The following NRXN1 variants were observed in gnomAD, a reference collection of about 807,000 sequenced individuals.
NRXN1 encodes neurexin-1.
In NRXN1, 39 loss-of-function variants were observed where a neutral mutation model predicts 150.9. That is an observed-to-expected ratio of 0.26 (90% CI 0.20 to 0.34). The LOEUF (loss-of-function observed/expected upper bound fraction) is 0.34. Ranked by LOEUF, NRXN1 falls within the 10% of genes least tolerant of loss-of-function variation. The pLI is 1.00. For missense variants in NRXN1, 1,815 were observed against 1,949.9 expected (o/e 0.93, Z 1.30); for synonymous variants, 924 against 757.0 (o/e 1.22, Z -3.62).
intron 8 of NRXN1, among the ~76,000 whole-genome samples, chr2:50,582,341 G>A (rs1672393538): frequency 6.6e-6 from 1 of 151,630 alleles, no homozygotes; most frequent in Non-Finnish European, 1.5e-5. Flanking sequence ...TGGGCAGCAT[G>A]CCAAATCCTC....
At chr2:50,808,701 G>C (rs903938958) in intron 5 of NRXN1, among the ~76,000 whole-genome samples, 1 of 152,012 alleles carries the variant, frequency 6.6e-6, no homozygotes, top group African/African-American at 2.4e-5. Flanking sequence ...TATTTTATAA[G>C]ATAAACCAGT....
At chr2:50,404,915 C>T (rs1327080790) in intron 17 of NRXN1, among the ~76,000 whole-genome samples, 1 of 152,108 alleles carries the variant, frequency 6.6e-6, no homozygotes, top group East Asian at 1.9e-4. Context: ...TCAAAAGAGG[C>T]TCAAGGGTGC....
chr2:49,921,850 T>C lies in NRXN1; in HGVS notation c.*94A>G. On this transcript the variant is annotated 3_prime_UTR_variant, in exon 23 of 23. Transcript: ENST00000401669. ...ATTGCATTCCCTGTCTTCTTTTGTA[T>C]GTGCTTCATAAAAAGGAAAGTAAAT... is the stretch of plus-strand genomic sequence containing the variant. 1 of 1,269,400 alleles carries C rather than the reference T, an allele frequency of 7.9e-7. No homozygotes were observed. Among genetic ancestry groups the C allele is most frequent in the Non-Finnish European group, 1.1e-6 (1 of 898,082 alleles). The allele number at this position is 1,269,400 out of a possible 1,614,324, so 78.6% of individuals were successfully genotyped here.
chr2:50,950,645 C>A (rs77634148), intron 2 of NRXN1, among the ~76,000 whole-genome samples: 1 of 152,080 alleles, frequency 6.6e-6, no homozygotes. Flanking sequence ...TAGTGTGCCC[C>A]GCCCAAATTC....
intron 2 of NRXN1, among the ~76,000 whole-genome samples, chr2:50,971,003 G>C (rs746109028): frequency 6.6e-6 from 1 of 151,844 alleles, no homozygotes; most frequent in Non-Finnish European, 1.5e-5. Flanking sequence ...TCTTTATCCT[G>C]CAAGAAAAGG....
chr2:50,741,361 C>T (rs762819393), intron 5 of NRXN1, among the ~76,000 whole-genome samples: 1 of 152,070 alleles, frequency 6.6e-6, no homozygotes, highest in Non-Finnish European at 1.5e-5. Context: ...CTATCTATGA[C>T]ACTTTGCCAT....
chr2:50,809,833 A>T (rs1448071858), intron 5 of NRXN1, among the ~76,000 whole-genome samples: 1 of 152,184 alleles, frequency 6.6e-6, no homozygotes, highest in Non-Finnish European at 1.5e-5. Flanking sequence ...TCATGAGTTG[A>T]ATCCAAATTG....
At chr2:50,351,850 A>C (rs2078435793) in intron 17 of NRXN1, among the ~76,000 whole-genome samples, 1 of 152,080 alleles carries the variant, frequency 6.6e-6, no homozygotes, top group South Asian at 2.1e-4. Context: ...CCATTTTTGG[A>C]AGACATTTTT....
chr2:50,454,728 C>G (rs900291560), intron 17 of NRXN1, among the ~76,000 whole-genome samples: 2 of 151,060 alleles, frequency 1.3e-5, no homozygotes, highest in South Asian at 2.1e-4. Context: ...TCCTCCAAGA[C>G]ACCAATCTTC....
chr2:50,269,865 T>G (rs2152921891), intron 17 of NRXN1, among the ~76,000 whole-genome samples: 1 of 152,350 alleles, frequency 6.6e-6, no homozygotes, highest in South Asian at 2.1e-4. Flanking sequence ...ACTCGTTCCT[T>G]AAATTTTACT....
At chr2:50,005,718 G>C (rs1334670457) in intron 21 of NRXN1, among the ~76,000 whole-genome samples, 1 of 152,044 alleles carries the variant, frequency 6.6e-6, no homozygotes, top group African/African-American at 2.4e-5. Context: ...CTAAACATCT[G>C]CTCAAAATTA....
At chr2:50,345,873 G>T (rs1378252020) in intron 17 of NRXN1, among the ~76,000 whole-genome samples, 1 of 152,220 alleles carries the variant, frequency 6.6e-6, no homozygotes, top group Non-Finnish European at 1.5e-5. Flanking sequence ...GAAGGAGGAA[G>T]TAAGACCTCC....
chr2:50,668,055 C>A (rs1180010147), intron 5 of NRXN1, among the ~76,000 whole-genome samples: 1 of 151,956 alleles, frequency 6.6e-6, no homozygotes. Context: ...TTTTTAGAAA[C>A]AATGGGAGCT....
chr2:50,491,011 A>G (rs1248397961), intron 15 of NRXN1, among the ~76,000 whole-genome samples: 1 of 152,190 alleles, frequency 6.6e-6, no homozygotes, highest in Non-Finnish European at 1.5e-5. Context: ...GCCTAACCAC[A>G]GGACAGCAGG....
At chr2:50,997,517 T>C (rs745360169) in intron 2 of NRXN1, among the ~76,000 whole-genome samples, 1 of 142,122 alleles carries the variant, frequency 7.0e-6, no homozygotes, top group African/African-American at 2.9e-5. Flanking sequence ...TTTTATTTTA[T>C]TTATTTTATA....
At chr2:50,666,929 T>G (rs1688136003) in intron 5 of NRXN1, among the ~76,000 whole-genome samples, 1 of 150,810 alleles carries the variant, frequency 6.6e-6, no homozygotes, top group Non-Finnish European at 1.5e-5. Context: ...TTAAAAAACT[T>G]TATTGATTCT....
chr2:50,678,216 G>A (rs909154350), intron 5 of NRXN1, among the ~76,000 whole-genome samples: 2 of 152,004 alleles, frequency 1.3e-5, no homozygotes, highest in African/African-American at 2.4e-5. Flanking sequence ...ACAGATTTGT[G>A]GGGCAAGTTC....
intron 5 of NRXN1, among the ~76,000 whole-genome samples, chr2:50,747,685 C>T (rs893945779): frequency 6.6e-6 from 1 of 152,010 alleles, no homozygotes; most frequent in Non-Finnish European, 1.5e-5. Context: ...TTATCTAATT[C>T]ATTAATCAAG....
intron 17 of NRXN1, among the ~76,000 whole-genome samples, chr2:50,349,383 C>CA (rs1369761276): frequency 6.6e-6 from 1 of 152,160 alleles, no homozygotes; most frequent in African/African-American, 2.4e-5. Context: ...TATTTTAATT[C>CA]ACTAACAAGA....
Sources: gnomAD v4.1 joint callset for allele counts (sites outside exome capture counted in the v4.1 genomes callset) on GRCh38, gnomAD v4.1.1 for gene constraint, MANE v1.5 for transcripts, NCBI Gene and HGNC (gene_info 2026-07-23, HGNC 2026-07-21) for gene names.